Variants in PRDM5 observed in about 807,000 individuals in gnomAD.
PRDM5 encodes the protein PR domain zinc finger protein 5.
Under a neutral mutation model 81.2 loss-of-function variants are expected in PRDM5, and 56 were observed. The ratio of observed to expected loss-of-function variants is 0.69; its 90% CI spans 0.56 to 0.86. The LOEUF is 0.86. Ranked by LOEUF, PRDM5 falls within the 40% of genes least tolerant of loss-of-function variation. The probability of loss-of-function intolerance (pLI) is 0.00; values close to 1 mark genes in which losing one functional copy is unlikely to be tolerated. For synonymous variants in PRDM5, 267 were observed against 256.4 expected (o/e 1.04, Z -0.39); for missense variants, 697 against 770.1 (o/e 0.91, Z 1.12).
intron 9 of PRDM5, among the ~76,000 whole-genome samples, chr4:120,798,836 A>G (rs2149284946): frequency 6.6e-6 from 1 of 152,310 alleles, no homozygotes; most frequent in South Asian, 2.1e-4. Context: ...AGAGCTTCCA[A>G]TGCTCGGCAG....
At chr4:120,706,840 CT>C (rs1161863611) in intron 15 of PRDM5, among the ~76,000 whole-genome samples, 63 of 149,746 alleles carry the variant, frequency 4.2e-4, no homozygotes, top group South Asian at 8.4e-4. Context: ...AATGAACAAA[CT>C]TCTAGAAACA....
intron 15 of PRDM5, among the ~76,000 whole-genome samples, 186 bp from the exon 16 acceptor site, chr4:120,695,461 C>G (rs915546407): frequency 1.3e-5 from 2 of 152,128 alleles, no homozygotes; most frequent in African/African-American, 2.4e-5. Context: ...GAAACAACTC[C>G]CTGGCAACAA....
At chr4:120,783,956 ACT>A (rs1195518045) in intron 11 of PRDM5, among the ~76,000 whole-genome samples, 4 of 152,260 alleles carry the variant, frequency 2.6e-5, no homozygotes, top group Non-Finnish European at 5.9e-5. Flanking sequence ...AAAATTAATT[ACT>A]TTTTTCTTTC....
At chr4:120,885,328 G>C (rs965815952) in intron 2 of PRDM5, among the ~76,000 whole-genome samples, 1 of 151,934 alleles carries the variant, frequency 6.6e-6, no homozygotes, top group Non-Finnish European at 1.5e-5. Context: ...CTCCACCAAG[G>C]TAGAAAGGTG....
At chr4:120,737,882 G>A (rs960792562) in intron 14 of PRDM5, among the ~76,000 whole-genome samples, 2 of 152,016 alleles carry the variant, frequency 1.3e-5, no homozygotes, top group African/African-American at 4.8e-5. Flanking sequence ...AGTTAATTTG[G>A]TAAATTTAAT....
intron 14 of PRDM5, among the ~76,000 whole-genome samples, chr4:120,726,902 GA>G (rs1466010826): frequency 6.6e-6 from 1 of 152,156 alleles, no homozygotes; most frequent in Non-Finnish European, 1.5e-5. Context: ...GACAGATGTG[GA>G]AAACTCAACT....
intron 14 of PRDM5, among the ~76,000 whole-genome samples, chr4:120,733,717 A>T (rs948167147): frequency 6.6e-6 from 1 of 152,150 alleles, no homozygotes; most frequent in Non-Finnish European, 1.5e-5. Flanking sequence ...CGATGTTAAT[A>T]ATGTTAATAA....
At chr4:120,914,805 T>A (rs1235382522) in intron 1 of PRDM5, among the ~76,000 whole-genome samples, 1 of 152,206 alleles carries the variant, frequency 6.6e-6, no homozygotes. Context: ...ATATACACAA[T>A]GTAATACTAT....
chr4:120,888,140 T>G (rs956091444), intron 2 of PRDM5, among the ~76,000 whole-genome samples: 1 of 152,216 alleles, frequency 6.6e-6, no homozygotes, highest in Non-Finnish European at 1.5e-5. Context: ...ACTAAACTTT[T>G]TATTGAAGTG....
chr4:120,744,229 C>T (rs1742605087), intron 14 of PRDM5, among the ~76,000 whole-genome samples: 1 of 151,880 alleles, frequency 6.6e-6, no homozygotes, highest in Non-Finnish European at 1.5e-5. Context: ...TCTTTGAAAC[C>T]AATGAGAACA....
intron 4 of PRDM5, among the ~76,000 whole-genome samples, chr4:120,819,638 T>C (rs536790415): frequency 7.9e-5 from 12 of 152,278 alleles, no homozygotes; most frequent in African/African-American, 2.2e-4. Context: ...TAATGAAAAC[T>C]GGTATTTTAA....
chr4:120,734,289 G>T (rs1159634317), intron 14 of PRDM5, among the ~76,000 whole-genome samples: 3 of 151,008 alleles, frequency 2.0e-5, no homozygotes, highest in Non-Finnish European at 4.4e-5. Context: ...GTTGATCAAA[G>T]CAATCTTTAT....
intron 4 of PRDM5, among the ~76,000 whole-genome samples, chr4:120,820,099 T>A (rs1396983796): frequency 6.6e-6 from 1 of 152,208 alleles, no homozygotes; most frequent in Non-Finnish European, 1.5e-5. Context: ...TCCCCAAAAT[T>A]CATACGTTGA....
At chr4:120,921,250 TG>T (rs1724873747) in intron 1 of PRDM5, among the ~76,000 whole-genome samples, 2 of 152,234 alleles carry the variant, frequency 1.3e-5, no homozygotes, top group Admixed American at 1.3e-4. Context: ...TGGTGATGGT[TG>T]TATTTGGCCT....
At chr4:120,758,339 A>G (rs1745087637) in intron 13 of PRDM5, among the ~76,000 whole-genome samples, 1 of 152,158 alleles carries the variant, frequency 6.6e-6, no homozygotes, top group Admixed American at 6.5e-5. Context: ...ACTTGTTATG[A>G]ATGGAATTGT....
chr4:120,761,934 T>C (rs914162964), intron 13 of PRDM5, among the ~76,000 whole-genome samples: 1 of 152,144 alleles, frequency 6.6e-6, no homozygotes, highest in African/African-American at 2.4e-5. Flanking sequence ...TGATAAATTA[T>C]GTGTCATGTA....
At chr4:120,705,869 C>T (rs893556881) in intron 15 of PRDM5, among the ~76,000 whole-genome samples, 6 of 152,178 alleles carry the variant, frequency 3.9e-5, no homozygotes, top group Middle Eastern at 3.4e-3. Context: ...TTATGAGAAA[C>T]GTTCAGACTC....
rs1753435328 is a variant in PRDM5, at chr4:120,809,001, GA to G, written c.945+2368del. Reference sequence around the variant, plus strand: ...GCCGGCTCCGGCCTTGTCCAGCCCAGAAGGGGGCTCCCACAGTGCAGCAGTG... The same window carrying G: ...GCCGGCTCCGGCCTTGTCCAGCCCAGAGGGGGCTCCCACAGTGCAGCAGTG... On this transcript the variant is annotated intron_variant, in intron 8 of 15. Transcript: ENST00000264808. Among the ~76,000 whole-genome samples the G allele has an allele frequency of 2.0e-5, 3 of 152,232 alleles. No individual in the cohort carries two copies. In the South Asian group the frequency reaches 6.2e-4, roughly 32 times the overall value.
intron 13 of PRDM5, among the ~76,000 whole-genome samples, chr4:120,766,565 C>A: frequency 6.6e-6 from 1 of 152,018 alleles, no homozygotes; most frequent in East Asian, 1.9e-4. Context: ...AAAATATTGT[C>A]AAACATGATG....
Sources: gnomAD v4.1 joint callset for allele counts (sites outside exome capture counted in the v4.1 genomes callset) on GRCh38, gnomAD v4.1.1 for gene constraint, MANE v1.5 for transcripts, NCBI Gene and HGNC (gene_info 2026-07-23, HGNC 2026-07-21) for gene names.